Variants in PPP2R5E observed in about 807,000 individuals in gnomAD.
PPP2R5E encodes serine/threonine-protein phosphatase 2A 56 kDa regulatory subunit epsilon isoform.
Under a neutral mutation model 65.3 loss-of-function variants are expected in PPP2R5E, and 4 were observed. The observed-to-expected ratio is 0.06, with a 90% CI of 0.03 to 0.14. The LOEUF (loss-of-function observed/expected upper bound fraction) is 0.14, where lower values mean the gene tolerates loss of function less well. Among genes scored for constraint, PPP2R5E ranks in the 10% least tolerant of loss-of-function variants. The probability of loss-of-function intolerance (pLI) is 1.00; values close to 1 mark genes in which losing one functional copy is unlikely to be tolerated. For missense variants in PPP2R5E, 274 were observed against 556.1 expected (o/e 0.49, Z 5.10); for synonymous variants, 183 against 187.4 (o/e 0.98, Z 0.19).
intron 2 of PPP2R5E, among the ~76,000 whole-genome samples, chr14:63,484,347 T>TGACA (rs1555364910): frequency 7.9e-5 from 11 of 139,596 alleles, no homozygotes; most frequent in African/African-American, 3.0e-4. Flanking sequence ...TCTCTCTCTC[T>TGACA]CACACACACA....
At chr14:63,533,789 A>T (rs989965382) in intron 2 of PPP2R5E, among the ~76,000 whole-genome samples, 6 of 152,134 alleles carry the variant, frequency 3.9e-5, no homozygotes, top group African/African-American at 1.4e-4. Context: ...TACTAAAAAT[A>T]TAAAAATCAG....
At chr14:63,473,854 T>C (rs1383942292) in intron 2 of PPP2R5E, among the ~76,000 whole-genome samples, 8 of 152,082 alleles carry the variant, frequency 5.3e-5, no homozygotes, top group Non-Finnish European at 8.8e-5. Flanking sequence ...AAAATTGCAA[T>C]AGAAAAGCCA....
intron 5 of PPP2R5E, among the ~76,000 whole-genome samples, chr14:63,397,129 T>C (rs931584266): frequency 6.6e-6 from 1 of 152,144 alleles, no homozygotes. Flanking sequence ...AAGCTAGAAT[T>C]TGAACCCCAG....
At chr14:63,390,295 GACACACACACACACACACACAC>G (rs59239063) in intron 10 of PPP2R5E, among the ~76,000 whole-genome samples, 1 of 140,094 alleles carries the variant, frequency 7.1e-6, no homozygotes, top group African/African-American at 2.6e-5. Flanking sequence ...ACGCATTCTC[GACACACACACACACACACACAC>G]ACACACACAC....
intron 2 of PPP2R5E, among the ~76,000 whole-genome samples, chr14:63,469,649 G>A (rs896828569): frequency 7.2e-5 from 11 of 152,186 alleles, no homozygotes; most frequent in Non-Finnish European, 1.0e-4. Context: ...AGCCGAGATC[G>A]TGCCACTGCA....
chr14:63,492,734 G>A (rs1271935606), intron 2 of PPP2R5E, among the ~76,000 whole-genome samples: 1 of 152,098 alleles, frequency 6.6e-6, no homozygotes, highest in Non-Finnish European at 1.5e-5. Context: ...TTTGTTTGTT[G>A]AATTTTTTTG....
chr14:63,496,641 T>G (rs924871787), intron 2 of PPP2R5E, among the ~76,000 whole-genome samples: 2 of 152,026 alleles, frequency 1.3e-5, no homozygotes, highest in African/African-American at 4.8e-5. Context: ...AACATGTAAT[T>G]TATAGTTTAA....
chr14:63,435,232 GTT>G (rs1887895656), intron 3 of PPP2R5E, among the ~76,000 whole-genome samples: 1 of 151,620 alleles, frequency 6.6e-6, no homozygotes, highest in African/African-American at 2.4e-5. Flanking sequence ...TTTATTACAA[GTT>G]AAGTATATCT....
At chr14:63,396,157 G>A (rs1458905567) in intron 6 of PPP2R5E, among the ~76,000 whole-genome samples, 1 of 75,152 alleles carries the variant, frequency 1.3e-5, no homozygotes, top group Non-Finnish European at 2.7e-5. Context: ...AAAGGAGGAG[G>A]ACAGGGGATA....
chr14:63,470,080 C>G (rs1222075289), intron 2 of PPP2R5E, among the ~76,000 whole-genome samples: 1 of 151,948 alleles, frequency 6.6e-6, no homozygotes, highest in Admixed American at 6.6e-5. Flanking sequence ...CCACACCCCC[C>G]ACTTTTTTTG....
intron 2 of PPP2R5E, among the ~76,000 whole-genome samples, chr14:63,520,859 C>CAAAAAAAAAAAAAAA (rs748146106): frequency 2.2e-4 from 13 of 58,506 alleles, no homozygotes; most frequent in East Asian, 1.5e-3. Context: ...ACTAAAAATA[C>CAAAAAAAAAAAAAAA]AAAAAAAAAA....
chr14:63,533,116 T>C (rs999805995), intron 2 of PPP2R5E, among the ~76,000 whole-genome samples: 1 of 152,138 alleles, frequency 6.6e-6, no homozygotes, highest in African/African-American at 2.4e-5. Context: ...ATTAAAGGTG[T>C]GAGTTATTTA....
intron 2 of PPP2R5E, among the ~76,000 whole-genome samples, chr14:63,495,956 G>A (rs923362485): frequency 2.6e-5 from 4 of 152,060 alleles, no homozygotes; most frequent in Non-Finnish European, 4.4e-5. Flanking sequence ...TTTCATAAGC[G>A]CTGGGATTAC....
chr14:63,471,846 A>T (rs1295305092), intron 2 of PPP2R5E, among the ~76,000 whole-genome samples: 10 of 152,208 alleles, frequency 6.6e-5, no homozygotes, highest in Admixed American at 6.5e-4. Flanking sequence ...TGGAGGGACC[A>T]TCTGGAAGGG....
chr14:63,382,266 A>G (rs1403885108), intron 12 of PPP2R5E, 109 bp from the exon 13 acceptor site: 2 of 684,246 alleles, frequency 2.9e-6, no homozygotes, highest in African/African-American at 3.6e-5. Context: ...CGTACTGCAC[A>G]CTGTCTGTAT....
At chr14:63,474,310 A>AGTGG (rs764701281) in intron 2 of PPP2R5E, among the ~76,000 whole-genome samples, 1 of 152,164 alleles carries the variant, frequency 6.6e-6, no homozygotes, top group Admixed American at 6.5e-5. Flanking sequence ...CTCCACGTTC[A>AGTGG]GTGGGTGGGA....
At chr14:63,459,654 T>C (rs1889346500) in intron 2 of PPP2R5E, among the ~76,000 whole-genome samples, 1 of 152,170 alleles carries the variant, frequency 6.6e-6, no homozygotes, top group Non-Finnish European at 1.5e-5. Context: ...ATGTTTGTTG[T>C]TGATGATGGT....
intron 2 of PPP2R5E, among the ~76,000 whole-genome samples, chr14:63,473,132 G>A (rs1890212495): frequency 6.6e-6 from 1 of 152,188 alleles, no homozygotes; most frequent in Admixed American, 6.5e-5. Flanking sequence ...TTCCAGGTTG[G>A]AAGAATGATG....
chr14:63,535,195 C>T (rs940686377), intron 2 of PPP2R5E, among the ~76,000 whole-genome samples: 1 of 151,998 alleles, frequency 6.6e-6, no homozygotes, highest in African/African-American at 2.4e-5. Context: ...GAGGCCAAGG[C>T]AGGTGGATCA....
Sources: allele counts gnomAD v4.1 joint callset (sites outside exome capture counted in the v4.1 genomes callset), GRCh38; gene constraint gnomAD v4.1.1; transcripts MANE v1.5; gene names NCBI Gene and HGNC (gene_info 2026-07-23, HGNC 2026-07-21).